The following PYGO1 variants were observed in gnomAD, a reference collection of about 807,000 sequenced individuals.
PYGO1 encodes the protein pygopus family PHD finger 1.
Under a neutral mutation model 29.5 loss-of-function variants are expected in PYGO1, and 6 were observed. The ratio of observed to expected loss-of-function variants is 0.20; its 90% confidence interval spans 0.11 to 0.40. The LOEUF (loss-of-function observed/expected upper bound fraction) is 0.40, where lower values mean the gene tolerates loss of function less well. PYGO1 is among the 10% of genes least tolerant of loss of function. PYGO1 has a pLI of 1.00. For missense variants in PYGO1, 515 were observed against 514.9 expected (o/e 1.00, Z 0.00); for synonymous variants, 186 against 180.5 (o/e 1.03, Z -0.24).
chr15:55,580,272 T>TA (rs1250871142), intron 1 of PYGO1, among the ~76,000 whole-genome samples: 3 of 152,202 alleles, frequency 2.0e-5, no homozygotes, highest in Admixed American at 6.5e-5. Flanking sequence ...GTTTTCTGCT[T>TA]AAAAAATTTT....
At chr15:55,565,156 C>A (rs1008196261) in intron 1 of PYGO1, among the ~76,000 whole-genome samples, 18 of 152,056 alleles carry the variant, frequency 1.2e-4, no homozygotes, top group African/African-American at 4.3e-4. Context: ...TGAACTGTGC[C>A]ATATGATACA....
intron 1 of PYGO1, among the ~76,000 whole-genome samples, chr15:55,560,834 C>T (rs1436665259): frequency 3.3e-5 from 5 of 152,198 alleles, no homozygotes; most frequent in Admixed American, 6.5e-5. Flanking sequence ...TGGTGGTACA[C>T]ACCTGCAGTC....
At chr15:55,566,925 T>A (rs1336114288) in intron 1 of PYGO1, among the ~76,000 whole-genome samples, 1 of 151,904 alleles carries the variant, frequency 6.6e-6, no homozygotes, top group African/African-American at 2.4e-5. Flanking sequence ...AGAGAAGGGG[T>A]TTTGCCATGC....
intron 1 of PYGO1, among the ~76,000 whole-genome samples, chr15:55,581,436 A>G (rs941147361): frequency 1.3e-5 from 2 of 152,222 alleles, no homozygotes; most frequent in South Asian, 2.1e-4. Context: ...AGCCAACATA[A>G]GAAAGTTTGA....
intron 1 of PYGO1, among the ~76,000 whole-genome samples, chr15:55,567,909 G>A (rs1025277862): frequency 4.6e-5 from 7 of 152,112 alleles, no homozygotes; most frequent in African/African-American, 1.7e-4. Context: ...CAAGTATGTG[G>A]CTTTATTTCT....
chr15:55,584,418 A>G (rs1391373824), intron 1 of PYGO1, among the ~76,000 whole-genome samples: 2 of 152,104 alleles, frequency 1.3e-5, no homozygotes, highest in East Asian at 1.9e-4. Context: ...GCCAGGTGTC[A>G]TATCTTAATT....
At chr15:55,585,482 T>C (rs1020203032) in intron 1 of PYGO1, among the ~76,000 whole-genome samples, 1 of 152,166 alleles carries the variant, frequency 6.6e-6, no homozygotes, top group African/African-American at 2.4e-5. Context: ...CATAAAATAT[T>C]CCAAAAAATT....
intron 1 of PYGO1, among the ~76,000 whole-genome samples, chr15:55,581,589 G>C (rs2059024998): frequency 6.6e-6 from 1 of 152,166 alleles, no homozygotes; most frequent in Non-Finnish European, 1.5e-5. Flanking sequence ...CGGCTTTGCT[G>C]CTTCCTCACT....
intron 1 of PYGO1, among the ~76,000 whole-genome samples, chr15:55,583,613 C>T (rs996249351): frequency 6.6e-6 from 1 of 152,086 alleles, no homozygotes; most frequent in East Asian, 1.9e-4. Flanking sequence ...ACCTCCTGGG[C>T]TCAAGGGATC....
intron 1 of PYGO1, among the ~76,000 whole-genome samples, chr15:55,552,300 G>A (rs567021257): frequency 6.9e-6 from 1 of 144,990 alleles, no homozygotes; most frequent in Admixed American, 7.1e-5. Context: ...AGGTTCCACT[G>A]AGTTGAGATC....
intron 1 of PYGO1, among the ~76,000 whole-genome samples, chr15:55,566,108 G>T (rs183248998): frequency 6.6e-6 from 1 of 152,076 alleles, no homozygotes; most frequent in Non-Finnish European, 1.5e-5. Flanking sequence ...TTTTAGATTT[G>T]GGGAGTACAT....
In PYGO1 at chr15:55,546,330, G is replaced by T. The variant is rs140625196; in HGVS notation, c.953C>A (p.Thr318Asn). The stretch of plus-strand genomic sequence containing the variant: ...AGAGGATTTATTGCTTTTTTCTGTG[G>T]TGCAGGCATCTGCTGCACCTCTTGG... ...RQPRGAADAC[T>N]TEKSNKSSLH... is the part of the protein sequence containing the mutation. The change falls in exon 3 of 3, where the codon ACC (threonine) becomes AAC (asparagine). Residue 318 changes from threonine (T) to asparagine (N), a missense_variant. By Grantham distance (65) the Thr-to-Asn change is moderately conservative. Transcript: ENST00000563719. The T allele has an allele frequency of 1.9e-6, 3 of 1,614,060 alleles. No individual in the cohort carries two copies. The East Asian group carries it at 6.7e-5, about 36-fold the overall frequency.
At position 55,584,703 on chromosome 15, in the gene PYGO1, G is replaced by T. The variant is rs567378664; in HGVS notation, c.49+3132C>A. ...TGGGCAAGGCAAATAAGATAATCAAGACATAGTACCTGTCCTCATAGATCT... is the reference window on the plus strand; with the variant it reads ...TGGGCAAGGCAAATAAGATAATCAATACATAGTACCTGTCCTCATAGATCT... On this transcript the variant is annotated intron_variant, in intron 1 of 2. Coordinates refer to ENST00000563719, the MANE Select transcript of PYGO1 (RefSeq NM_001367806.1). Among the ~76,000 whole-genome samples the T allele has an allele frequency of 3.6e-4, 55 of 152,252 alleles. No homozygotes were observed. The South Asian group carries it at 0.011, about 29-fold the overall frequency.
At chr15:55,580,654 C>G (rs754817323) in intron 1 of PYGO1, among the ~76,000 whole-genome samples, 8 of 152,148 alleles carry the variant, frequency 5.3e-5, no homozygotes, top group Non-Finnish European at 1.0e-4. Flanking sequence ...AATGGCAGAG[C>G]TGGGATAAAA....
rs1659299 is a variant in PYGO1 at position 55,543,916 on chromosome 15, T to C, written c.*2107A>G. The C allele has an allele frequency of 0.99, 151,297 of 152,282 alleles. 75,204 individuals carry two copies. The highest frequency in any genetic ancestry group is 1 in the Non-Finnish European group (67,982 of 68,024). The allele number at this position is 152,282 out of a possible 1,614,324, so 9.4% of individuals were successfully genotyped here. On this transcript the variant is annotated 3_prime_UTR_variant, in exon 3 of 3. Coordinates refer to ENST00000563719, the MANE Select transcript of PYGO1 (RefSeq NM_001367806.1). ...TAAACATTTAGAGAAATATGTATAATAAAAAATCCAAGTAAAATGAGATCT... is the reference window on the plus strand; with the variant it reads ...TAAACATTTAGAGAAATATGTATAACAAAAAATCCAAGTAAAATGAGATCT...
chr15:55,566,782 G>A (rs1156722998), intron 1 of PYGO1, among the ~76,000 whole-genome samples: 1 of 152,176 alleles, frequency 6.6e-6, no homozygotes, highest in Admixed American at 6.6e-5. Flanking sequence ...CCAGGCTGGA[G>A]TGCAGTGGCG....
At chr15:55,573,056 C>T (rs2058986663) in intron 1 of PYGO1, among the ~76,000 whole-genome samples, 1 of 151,270 alleles carries the variant, frequency 6.6e-6, no homozygotes, top group Non-Finnish European at 1.5e-5. Context: ...TCTGTAATCC[C>T]AGCACTTTGG....
At chr15:55,554,501 A>C (rs1232896379) in intron 1 of PYGO1, among the ~76,000 whole-genome samples, 3 of 148,400 alleles carry the variant, frequency 2.0e-5, no homozygotes, top group Admixed American at 6.7e-5. Flanking sequence ...AAAGAAAGAA[A>C]GAACTGGGCT....
Position 55,546,893 on chromosome 15 carries a change from T to C in PYGO1, c.390A>G (p.Pro130=), listed in dbSNP as rs747752166. 5.0e-6 allele frequency: 8 copies of C among 1,613,974 alleles called. No individual in the cohort carries two copies. The highest frequency in any genetic ancestry group is 1.6e-4 in the Middle Eastern group (1 of 6,062). ...CCATGCCCAGAGGATTCTGAGGAAA[T>C]GGGTGTGGCTGGTTCCTGAGTGAGT... ...GPYSLRNQPH[P]FPQNPLGMGF... is the part of the protein sequence containing the mutation. The change falls in exon 3 of 3, where the codon CCA becomes CCG. Residue 130 remains proline (P), a synonymous_variant. Transcript: ENST00000563719.
Sources: gnomAD v4.1 joint callset for allele counts (sites outside exome capture counted in the v4.1 genomes callset) on GRCh38, gnomAD v4.1.1 for gene constraint, MANE v1.5 for transcripts, NCBI Gene and HGNC (gene_info 2026-07-23, HGNC 2026-07-21) for gene names.